Variants in SLC5A4 observed in about 807,000 individuals in gnomAD.
The protein encoded by SLC5A4 is probable glucose sensor protein SLC5A4.
Under a neutral mutation model 70.3 loss-of-function variants are expected in SLC5A4, and 55 were observed. That is an observed-to-expected ratio of 0.78 (90% confidence interval 0.63 to 0.98). The LOEUF is 0.98. SLC5A4 is among the 50% of genes least tolerant of loss of function. SLC5A4 has a pLI of 0.00. For synonymous variants in SLC5A4, 268 were observed against 305.7 expected (o/e 0.88, Z 1.29); for missense variants, 735 against 839.2 (o/e 0.88, Z 1.53).
At chr22:32,280,789 G>A in the SLC5A4 span, among the ~76,000 whole-genome samples, 9 of 152,324 alleles carry the variant, frequency 5.9e-5, no homozygotes, top group Non-Finnish European at 1.2e-4. Flanking sequence ...CCTGCCATTG[G>A]TGGTATTTAA....
At chr22:32,239,573 TA>T (rs1926362632) in intron 5 of SLC5A4, among the ~76,000 whole-genome samples, 1 of 25,274 alleles carries the variant, frequency 4.0e-5, no homozygotes, top group Non-Finnish European at 6.9e-5. Flanking sequence ...TATATATTTA[TA>T]TATATATTTA....
the SLC5A4 span, among the ~76,000 whole-genome samples, chr22:32,325,094 TCCCGTAGACCCCGAGGCCCAGG>T: frequency 6.6e-6 from 1 of 152,204 alleles, no homozygotes; most frequent in Non-Finnish European, 1.5e-5. Context: ...TCATTGCCAG[TCCCGTAGACCCCGAGGCCCAGG>T]CCCACCAGTG....
At chr22:32,264,720 C>T in the SLC5A4 span, among the ~76,000 whole-genome samples, 1 of 152,110 alleles carries the variant, frequency 6.6e-6, no homozygotes, top group Non-Finnish European at 1.5e-5. Context: ...TGTAATCATA[C>T]CCTGCATGTT....
At chr22:32,299,417 G>A in the SLC5A4 span, among the ~76,000 whole-genome samples, 28 of 112,770 alleles carry the variant, frequency 2.5e-4, 3 homozygotes, top group Admixed American at 1.0e-3. Context: ...ATCTTCCATC[G>A]CTGACACCCT....
At chr22:32,254,288 G>A (rs1819015382) in intron 1 of SLC5A4, 75 bp from the exon 2 acceptor site, 4 of 1,060,680 alleles carry the variant, frequency 3.8e-6, no homozygotes, top group Non-Finnish European at 5.9e-6. Context: ...TCTGGCCAGG[G>A]TGCTGAGAGG....
chr22:32,248,908 T>C (rs1041245950), intron 3 of SLC5A4, 106 bp from the exon 4 acceptor site: 25 of 766,578 alleles, frequency 3.3e-5, no homozygotes, highest in African/African-American at 1.6e-4. Context: ...AAAAGTTGGC[T>C]CAATCCTGTC....
At chr22:32,315,093 TGTGCA>T in the SLC5A4 span, among the ~76,000 whole-genome samples, 1 of 152,234 alleles carries the variant, frequency 6.6e-6, no homozygotes, top group East Asian at 1.9e-4. Flanking sequence ...TTATATGTTA[TGTGCA>T]TTCTACCACA....
chr22:32,272,455 A>G, the SLC5A4 span: 1 of 805,218 alleles, frequency 1.2e-6, no homozygotes, highest in Non-Finnish European at 2.1e-6. Context: ...GATCAGCGTC[A>G]GGAACTTCAT....
At position 32,248,687 on chromosome 22, in the gene SLC5A4, G is replaced by A. The variant is rs1926972038; in HGVS notation, c.372+56C>T. ...ATTGTCTCAGTGATTGATCTTCTGT[G>A]CAGTGAGCAGCAGTGCCTAGAACTG... On this transcript the variant is annotated intron_variant, in intron 4 of 14. Coordinates refer to ENST00000266086, the MANE Select transcript of SLC5A4 (RefSeq NM_014227.3). The A allele has an allele frequency of 9.6e-6, 11 of 1,140,984 alleles. No homozygotes were observed. In the East Asian group the frequency reaches 2.6e-4, roughly 27 times the overall value. The allele number at this position is 1,140,984 out of a possible 1,614,324, so 70.7% of individuals were successfully genotyped here. A position where few individuals can be genotyped will look rare whatever the true frequency, so the allele number is the denominator to read the frequency against.
At chr22:32,254,444 T>C (rs1419115358) in intron 1 of SLC5A4, among the ~76,000 whole-genome samples, 1 of 152,226 alleles carries the variant, frequency 6.6e-6, no homozygotes, top group Non-Finnish European at 1.5e-5. Context: ...ACTTCTATCT[T>C]AACTGCTCTG....
chr22:32,334,130 C>T, the SLC5A4 span, among the ~76,000 whole-genome samples: 2 of 140,026 alleles, frequency 1.4e-5, no homozygotes, highest in East Asian at 4.5e-4. Flanking sequence ...TACATATACA[C>T]ACCATGCCAG....
rs750938000 is a variant in SLC5A4 at position 32,241,839 on chromosome 22, CTGTGTGTG to C, written c.478-2757_478-2750del. ...TGTATGTGTGTGTGTATATATATATCTGTGTGTGTGTGTGTGTGTGTGTATATATATGT... is the reference window on the plus strand; with the variant it reads ...TGTATGTGTGTGTGTATATATATATCTGTGTGTGTGTGTGTATATATATGT... On this transcript the variant is annotated intron_variant, in intron 5 of 14. Coordinates refer to ENST00000266086, the MANE Select transcript of SLC5A4 (RefSeq NM_014227.3). 4.4e-5 allele frequency among the ~76,000 whole-genome samples: 5 copies of C among 114,158 alleles called. No homozygotes were observed. In the South Asian group the frequency reaches 1.1e-3, roughly 24 times the overall value. The allele number at this position is 114,158 out of a possible 152,430, so 74.9% of individuals were successfully genotyped here.
At chr22:32,240,252 G>A (rs1926437936) in intron 5 of SLC5A4, among the ~76,000 whole-genome samples, 1 of 152,016 alleles carries the variant, frequency 6.6e-6, no homozygotes, top group African/African-American at 2.4e-5. Flanking sequence ...TTAATTACAT[G>A]TGTCTCTGAC....
chr22:32,305,417 C>T, the SLC5A4 span, among the ~76,000 whole-genome samples: 2 of 149,100 alleles, frequency 1.3e-5, 1 homozygote, highest in South Asian at 4.3e-4. Context: ...ATATATTTAA[C>T]AAATTGTTGG....
At chr22:32,271,600 CG>C in the SLC5A4 span, 1 of 679,596 alleles carries the variant, frequency 1.5e-6, no homozygotes, top group Non-Finnish European at 2.7e-6. Flanking sequence ...TCCACTACTT[CG>C]AGGACATTTA....
chr22:32,250,432 T>C (rs1036882842), intron 3 of SLC5A4, among the ~76,000 whole-genome samples: 1 of 152,120 alleles, frequency 6.6e-6, no homozygotes, highest in African/African-American at 2.4e-5. Context: ...GGTGGGAGGA[T>C]TGCTTGAGCC....
At chr22:32,282,316 C>T in the SLC5A4 span, among the ~76,000 whole-genome samples, 3 of 152,088 alleles carry the variant, frequency 2.0e-5, no homozygotes, top group East Asian at 1.9e-4. Flanking sequence ...TGGCAGACAT[C>T]GGCTGTCTGA....
chr22:32,344,309 A>G, the SLC5A4 span, among the ~76,000 whole-genome samples: 2 of 152,188 alleles, frequency 1.3e-5, no homozygotes, highest in Non-Finnish European at 2.9e-5. Flanking sequence ...GCATTACTGT[A>G]GACACACACA....
chr22:32,277,345 T>C, the SLC5A4 span, among the ~76,000 whole-genome samples: 2 of 152,206 alleles, frequency 1.3e-5, no homozygotes, highest in Non-Finnish European at 2.9e-5. Flanking sequence ...CCGGAAATGA[T>C]AGGTTAGAAT....
Sources: allele counts gnomAD v4.1 joint callset (sites outside exome capture counted in the v4.1 genomes callset), GRCh38; gene constraint gnomAD v4.1.1; transcripts MANE v1.5; gene names NCBI Gene and HGNC (gene_info 2026-07-23, HGNC 2026-07-21).